The following PGBD2 variants were observed in gnomAD, a reference collection of about 807,000 sequenced individuals.
PGBD2 encodes piggyBac transposable element derived 2.
Under a neutral mutation model 8.1 loss-of-function variants are expected in PGBD2, and 6 were observed. The ratio of observed to expected loss-of-function variants is 0.74; its 90% confidence interval spans 0.40 to 1.46. The LOEUF (loss-of-function observed/expected upper bound fraction) is 1.46, where lower values mean the gene tolerates loss of function less well. PGBD2 is among the 40% of genes most tolerant of loss of function. The probability of loss-of-function intolerance (pLI) is 0.02; values close to 1 mark genes in which losing one functional copy is unlikely to be tolerated. For missense variants in PGBD2, 802 were observed against 739.0 expected, an observed-to-expected ratio of 1.09 and a Z score of -0.99; for synonymous variants, 318 against 272.2, an observed-to-expected ratio of 1.17 and a Z score of -1.66.
the PGBD2 span, among the ~76,000 whole-genome samples, chr1:248,888,537 C>G: frequency 1.3e-5 from 2 of 152,056 alleles, no homozygotes; most frequent in Non-Finnish European, 2.9e-5. Flanking sequence ...GGCTCTATGT[C>G]TTCTTTTGAA....
chr1:248,895,840 A>T, the PGBD2 span, among the ~76,000 whole-genome samples: 1 of 151,842 alleles, frequency 6.6e-6, no homozygotes, highest in Non-Finnish European at 1.5e-5. Flanking sequence ...GGCACGTGCC[A>T]CCACGCCCAG....
chr1:248,925,152 G>T, the PGBD2 span, among the ~76,000 whole-genome samples: 1 of 152,102 alleles, frequency 6.6e-6, no homozygotes, highest in Non-Finnish European at 1.5e-5. Context: ...ACATTCACAC[G>T]TGTGTCACAC....
At chr1:248,897,830 G>A in the PGBD2 span, among the ~76,000 whole-genome samples, 2 of 152,196 alleles carry the variant, frequency 1.3e-5, no homozygotes, top group African/African-American at 4.8e-5. Context: ...TGCCTGAGAT[G>A]ACCGAGTTCC....
At chr1:248,921,508 A>G (rs1347844070), downstream of PGBD2, among the ~76,000 whole-genome samples, 1 of 152,158 alleles carries the variant, frequency 6.6e-6, no homozygotes, top group African/African-American at 2.4e-5. Context: ...CTGTTTTGGT[A>G]CCAGTACCAT....
At chr1:248,907,056 T>G (rs546635945) in intron 1 of PGBD2, among the ~76,000 whole-genome samples, 1 of 152,126 alleles carries the variant, frequency 6.6e-6, no homozygotes, top group East Asian at 1.9e-4. Flanking sequence ...TACCAAGGAC[T>G]TGCACCAGCA....
chr1:248,922,043 G>A (rs557817492), downstream of PGBD2, among the ~76,000 whole-genome samples: 45 of 151,768 alleles, frequency 3.0e-4, no homozygotes, highest in African/African-American at 1.1e-3. Flanking sequence ...TGAGACAATG[G>A]GGTTTTCTTT....
Position 248,918,650 on chromosome 1 carries a change from T to G in PGBD2, c.*287T>G, listed in dbSNP as rs192217227. On this transcript the variant is annotated 3_prime_UTR_variant, in exon 3 of 3. Coordinates refer to ENST00000329291, the MANE Select transcript of PGBD2 (RefSeq NM_170725.3). ...ATAAAAGTTGTGCTTTGGGGTATAT[T>G]TGAATCCTAGCAAGAATAATCAAAG... 315 of 177,378 alleles carry G rather than the reference T, an allele frequency of 1.8e-3. 1 individual carries two copies. The highest frequency in any genetic ancestry group is 7.0e-3 in the African/African-American group (294 of 41,988). The allele number at this position is 177,378 out of a possible 1,614,324, so 11.0% of individuals were successfully genotyped here. A position where few individuals can be genotyped will look rare whatever the true frequency, so the allele number is the denominator to read the frequency against.
the PGBD2 span, among the ~76,000 whole-genome samples, chr1:248,889,736 G>A: frequency 2.0e-5 from 3 of 152,006 alleles, no homozygotes; most frequent in South Asian, 6.2e-4. Flanking sequence ...GCCTTAATAA[G>A]CACATTCCTT....
intron 1 of PGBD2, chr1:248,912,678 T>A (rs1183835367): frequency 1.3e-5 from 2 of 152,288 alleles, no homozygotes; most frequent in South Asian, 4.1e-4. Flanking sequence ...CATATTTGAT[T>A]CAGATTTTTT....
At position 248,914,596 on chromosome 1, in the gene PGBD2, T is replaced by C. The variant is rs529251019; in HGVS notation, c.17+717T>C. 2.9e-4 allele frequency: 374 copies of C among 1,288,894 alleles called. 2 individuals carry two copies. The South Asian group carries it at 3.0e-3, about 10-fold the overall frequency. The allele number at this position is 1,288,894 out of a possible 1,614,324, so 79.8% of individuals were successfully genotyped here. The stretch of plus-strand genomic sequence containing the variant: ...TGCAGCTTCTGTGGTAAATCCTGCA[T>C]CCTTCTGTTGGGATGGAGGGTCCTC... On this transcript the variant is annotated intron_variant, in intron 2 of 2. Transcript: ENST00000329291.
chr1:248,918,050 A>G lies in PGBD2; in HGVS notation c.1466A>G (p.Tyr489Cys). Residue 489 changes from tyrosine (Y) to cysteine (C), a missense_variant, in exon 3 of 3, where the codon TAT becomes TGT. Transcript: ENST00000329291. ...AAGTGGTACTCAAGCTTTATTGGCTATGTCATTGATGCTGCCCTCAACAAT... is the reference window on the plus strand; with the variant it reads ...AAGTGGTACTCAAGCTTTATTGGCTGTGTCATTGATGCTGCCCTCAACAAT... ...GMKWYSSFIG[Y>C]VIDAALNNAW... 1.2e-6 allele frequency: 2 copies of G among 1,614,250 alleles called. No individual in the cohort carries two copies. Among genetic ancestry groups the G allele is most frequent in the East Asian group, 2.2e-5 (1 of 44,886 alleles).
At position 248,917,018 on chromosome 1, in the gene PGBD2, T is replaced by C. The variant is rs992244175; in HGVS notation, c.434T>C (p.Phe145Ser). Residue 145 changes from phenylalanine (F) to serine (S), a missense_variant, in exon 3 of 3, where the codon TTT (phenylalanine) becomes TCT (serine). Coordinates refer to ENST00000329291, the MANE Select transcript of PGBD2 (RefSeq NM_170725.3). ...CAAGAGCTGAGTCCCGTGGGCCTTT[T>C]TGAGTTGTTTTTTGATGAAGGAACA... ...KSQELSPVGL[F>S]ELFFDEGTIN... 2.5e-6 allele frequency: 4 copies of C among 1,613,822 alleles called. No individual in the cohort carries two copies. Among genetic ancestry groups the C allele is most frequent in the Admixed American group, 1.7e-5 (1 of 59,916 alleles).
chr1:248,877,537 G>T, the PGBD2 span, among the ~76,000 whole-genome samples: 1 of 152,132 alleles, frequency 6.6e-6, no homozygotes, highest in Non-Finnish European at 1.5e-5. Flanking sequence ...CCATCTTGAG[G>T]TTACAGAAAT....
At chr1:248,895,733 G>C in the PGBD2 span, among the ~76,000 whole-genome samples, 2 of 151,874 alleles carry the variant, frequency 1.3e-5, no homozygotes, top group Non-Finnish European at 2.9e-5. Context: ...CTGTCACCAG[G>C]CTGGAGTGCA....
chr1:248,914,495 A>T, intron 2 of PGBD2: 10 of 1,289,074 alleles, frequency 7.8e-6, no homozygotes, highest in Non-Finnish European at 1.0e-5. Context: ...GCTGACAGTC[A>T]GTCTCCAGGA....
the PGBD2 span, among the ~76,000 whole-genome samples, chr1:248,883,111 CTTTG>C: frequency 2.9e-3 from 442 of 152,158 alleles, 2 homozygotes; most frequent in African/African-American, 0.01. Context: ...TAAAGAATTT[CTTTG>C]TTTGTTTGTT....
At chr1:248,873,874 C>T in the PGBD2 span, among the ~76,000 whole-genome samples, 2 of 152,322 alleles carry the variant, frequency 1.3e-5, no homozygotes, top group South Asian at 2.1e-4. Context: ...GCCGAGTGGT[C>T]TAAGGCGCCA....
At chr1:248,904,635 G>T (rs1661588812), upstream of PGBD2, among the ~76,000 whole-genome samples, 1 of 152,142 alleles carries the variant, frequency 6.6e-6, no homozygotes, top group Non-Finnish European at 1.5e-5. Context: ...AATGTGCTAG[G>T]CTTGCTTCGC....
chr1:248,917,576 T>C lies in PGBD2; in HGVS notation c.992T>C (p.Val331Ala). 1 of 1,614,214 alleles carries C rather than the reference T, an allele frequency of 6.2e-7. No individual in the cohort carries two copies. The highest frequency in any genetic ancestry group is 8.5e-7 in the Non-Finnish European group (1 of 1,180,048). The change falls in exon 3 of 3, where the codon GTA becomes GCA. Residue 331 changes from valine (V) to alanine (A), a missense_variant. Transcript: ENST00000329291. ...DRSLDLGGSM[V>A]IKFVDALQER... The stretch of plus-strand genomic sequence containing the variant: ...AGCTTGGATCTAGGAGGCAGTATGG[T>C]AATAAAATTTGTGGATGCGCTTCAG...
Sources: gnomAD v4.1 joint callset for allele counts (sites outside exome capture counted in the v4.1 genomes callset) on GRCh38, gnomAD v4.1.1 for gene constraint, MANE v1.5 for transcripts, NCBI Gene and HGNC (gene_info 2026-07-23, HGNC 2026-07-21) for gene names.